Variants in ALK observed in about 807,000 individuals in gnomAD.
ALK encodes the protein ALK receptor tyrosine kinase, also known as ALK tyrosine kinase receptor.
A neutral mutation model predicts 163.1 loss-of-function variants in ALK; 74 were observed. The observed-to-expected ratio is 0.45, with a 90% CI of 0.38 to 0.55. ALK has a LOEUF of 0.55. Ranked by LOEUF, ALK falls within the 20% of genes least tolerant of loss-of-function variation. ALK has a pLI of 0.00. For missense variants in ALK, 2,063 were observed against 2,105.3 expected (o/e 0.98, Z 0.39); for synonymous variants, 960 against 843.2 (o/e 1.14, Z -2.40).
chr2:29,844,190 A>T (rs971821287), intron 1 of ALK, among the ~76,000 whole-genome samples: 15 of 152,196 alleles, frequency 9.9e-5, no homozygotes, highest in Non-Finnish European at 2.2e-4. Flanking sequence ...AGGAAAAAAG[A>T]CATTTTAGGG....
At chr2:29,898,860 C>G (rs1271357064) in intron 1 of ALK, among the ~76,000 whole-genome samples, 1 of 152,194 alleles carries the variant, frequency 6.6e-6, no homozygotes, top group African/African-American at 2.4e-5. Flanking sequence ...ACCACCACCA[C>G]CTCTGGTGGT....
chr2:29,594,380 A>G (rs1454119216), intron 3 of ALK, among the ~76,000 whole-genome samples: 2 of 151,036 alleles, frequency 1.3e-5, no homozygotes, highest in African/African-American at 4.9e-5. Flanking sequence ...TGGTGGCAAC[A>G]TTTACACTAT....
At chr2:29,746,289 G>A (rs1680207236) in intron 1 of ALK, among the ~76,000 whole-genome samples, 1 of 152,176 alleles carries the variant, frequency 6.6e-6, no homozygotes, top group African/African-American at 2.4e-5. Flanking sequence ...TGTAGCTAGA[G>A]ATCAGTTTTA....
At chr2:29,696,502 C>T (rs1678566662) in intron 2 of ALK, among the ~76,000 whole-genome samples, 1 of 135,586 alleles carries the variant, frequency 7.4e-6, no homozygotes, top group Non-Finnish European at 1.5e-5. Context: ...CCTGCATGTT[C>T]GCACATGTAT....
chr2:29,750,940 T>G (rs555350496), intron 1 of ALK, among the ~76,000 whole-genome samples: 1 of 152,100 alleles, frequency 6.6e-6, no homozygotes, highest in South Asian at 2.1e-4. Flanking sequence ...CATGGTGGCC[T>G]GCGCCAGTAG....
At chr2:29,281,814 G>C (rs1236985907) in intron 9 of ALK, among the ~76,000 whole-genome samples, 1 of 152,220 alleles carries the variant, frequency 6.6e-6, no homozygotes, top group Non-Finnish European at 1.5e-5. Flanking sequence ...GCAGATCTCT[G>C]CCTGAGAAAT....
chr2:29,484,829 C>T (rs1280150746), intron 4 of ALK, among the ~76,000 whole-genome samples: 1 of 152,102 alleles, frequency 6.6e-6, no homozygotes, highest in Non-Finnish European at 1.5e-5. Context: ...GTTGACAACT[C>T]CTTTTTGTCA....
chr2:29,590,022 A>G (rs1675001393), intron 3 of ALK, among the ~76,000 whole-genome samples: 1 of 152,176 alleles, frequency 6.6e-6, no homozygotes, highest in South Asian at 2.1e-4. Flanking sequence ...TATTAGGGGA[A>G]AGTCACCCCT....
chr2:29,414,508 C>G (rs1006801302), intron 4 of ALK, among the ~76,000 whole-genome samples: 1 of 152,156 alleles, frequency 6.6e-6, no homozygotes, highest in South Asian at 2.1e-4. Context: ...TCATAGTAGG[C>G]CCCTGGCCAT....
chr2:29,366,876 G>A (rs1191657716), intron 5 of ALK, among the ~76,000 whole-genome samples: 2 of 152,184 alleles, frequency 1.3e-5, no homozygotes, highest in Non-Finnish European at 2.9e-5. Flanking sequence ...AAAGAGCTAA[G>A]TTTAATTTTT....
In ALK at chr2:29,689,621, G is replaced by A. The variant is rs143938768; in HGVS notation, c.952+5229C>T. Among the ~76,000 whole-genome samples, 1,217 of 152,254 alleles carry A rather than the reference G, an allele frequency of 8.0e-3. 15 individuals are homozygous for A. Among genetic ancestry groups the A allele is most frequent in the South Asian group, 0.044 (211 of 4,812 alleles). On this transcript the variant is annotated intron_variant, in intron 3 of 28. Coordinates refer to ENST00000389048, the MANE Select transcript of ALK (RefSeq NM_004304.5). ...GATCCACATGCCAACCCAGACGCAG[G>A]GGGAGAAAAACCAAGGCATAGTGGG...
chr2:29,813,515 A>G (rs1472852506), intron 1 of ALK, among the ~76,000 whole-genome samples: 3 of 152,150 alleles, frequency 2.0e-5, no homozygotes, highest in Non-Finnish European at 4.4e-5. Context: ...AGAAGCAAGG[A>G]GTCACTGTCT....
chr2:29,617,065 C>T (rs1449899627), intron 3 of ALK, among the ~76,000 whole-genome samples: 1 of 152,104 alleles, frequency 6.6e-6, no homozygotes, highest in East Asian at 1.9e-4. Context: ...AAACACAGCC[C>T]ACCCTTCCCC....
intron 1 of ALK, among the ~76,000 whole-genome samples, chr2:29,821,933 G>A (rs1665059580): frequency 6.6e-6 from 1 of 152,156 alleles, no homozygotes. Flanking sequence ...TGCACACATT[G>A]TCTGGACATT....
intron 8 of ALK, among the ~76,000 whole-genome samples, chr2:29,305,240 C>G (rs1037425745): frequency 6.6e-6 from 1 of 152,052 alleles, no homozygotes; most frequent in Non-Finnish European, 1.5e-5. Context: ...AGTCTGCTGC[C>G]GTCAGCTAAG....
intron 8 of ALK, among the ~76,000 whole-genome samples, chr2:29,316,447 AAAC>A: frequency 2.6e-5 from 4 of 151,978 alleles, no homozygotes; most frequent in African/African-American, 9.7e-5. Flanking sequence ...CAGGCCAGTA[AAAC>A]GAAACACCTG....
chr2:29,564,959 C>G (rs1674137705), intron 3 of ALK, among the ~76,000 whole-genome samples: 1 of 152,142 alleles, frequency 6.6e-6, no homozygotes, highest in Non-Finnish European at 1.5e-5. Context: ...CTAGAATACC[C>G]TTAGGGGTAA....
Position 29,540,591 on chromosome 2 carries a change from T to TA in ALK, c.953-8476_953-8475insT, listed in dbSNP as rs1558375163. Among the ~76,000 whole-genome samples the TA allele has an allele frequency of 4.4e-3, 618 of 140,616 alleles. 2 individuals carry two copies. The highest frequency in any genetic ancestry group is 0.013 in the African/African-American group (501 of 37,846). 92.2% of individuals were successfully genotyped at this position (140,616 alleles called of 152,430 possible). The stretch of plus-strand genomic sequence containing the variant: ...AAGAGAAGAATTATGTTTTTTTTTT[T>TA]TAAAAAAAAAAAACCCTATAGGTTT... On this transcript the variant is annotated intron_variant, in intron 3 of 28. Transcript: ENST00000389048.
At chr2:29,419,720 A>AC (rs1669971489) in intron 4 of ALK, among the ~76,000 whole-genome samples, 1 of 151,662 alleles carries the variant, frequency 6.6e-6, no homozygotes, top group Non-Finnish European at 1.5e-5. Context: ...TAAACAAAAT[A>AC]GTCCATAGGA....
Sources: gnomAD v4.1 joint callset for allele counts (sites outside exome capture counted in the v4.1 genomes callset) on GRCh38, gnomAD v4.1.1 for gene constraint, MANE v1.5 for transcripts, NCBI Gene and HGNC (gene_info 2026-07-23, HGNC 2026-07-21) for gene names.